Variants in PDXDC1 observed in about 807,000 individuals in gnomAD.
PDXDC1 encodes the protein pyridoxal-dependent decarboxylase domain-containing protein 1.
Under a neutral mutation model 100.1 loss-of-function variants are expected in PDXDC1, and 42 were observed. The observed-to-expected ratio is 0.42, with a 90% confidence interval of 0.33 to 0.54. The LOEUF (loss-of-function observed/expected upper bound fraction) is 0.54, where lower values mean the gene tolerates loss of function less well. PDXDC1 is among the 20% of genes least tolerant of loss of function. PDXDC1 has a pLI of 0.10. For missense variants in PDXDC1, 636 were observed against 979.2 expected (o/e 0.65, Z 4.68); for synonymous variants, 260 against 371.7 (o/e 0.70, Z 3.46).
At chr16:15,003,216 CTT>C (rs1217823601) in intron 4 of PDXDC1, among the ~76,000 whole-genome samples, 14 of 134,308 alleles carry the variant, frequency 1.0e-4, no homozygotes, top group Admixed American at 3.2e-4. Flanking sequence ...AGATTTAATT[CTT>C]TTTTTTTTTT....
At chr16:15,111,630 C>T (rs1033205841) in intron 16 of PDXDC1, among the ~76,000 whole-genome samples, 4 of 144,990 alleles carry the variant, frequency 2.8e-5, no homozygotes, top group African/African-American at 5.0e-5. Context: ...TGGTGGCGCA[C>T]GCCTGTAGTC....
At chr16:15,131,655 C>T (rs2048067225) in intron 16 of PDXDC1, 1 of 1,581,492 alleles carries the variant, frequency 6.3e-7, no homozygotes, top group Non-Finnish European at 8.6e-7. Context: ...CGGCTCCCAG[C>T]TCTGAGCGCT....
intron 16 of PDXDC1, among the ~76,000 whole-genome samples, chr16:15,092,043 G>A (rs2046151975): frequency 6.6e-6 from 1 of 152,150 alleles, no homozygotes; most frequent in Non-Finnish European, 1.5e-5. Context: ...GCCAGGTGTG[G>A]TGGTGTGTGC....
At chr16:15,004,364 T>C (rs769185690) in intron 5 of PDXDC1, 31 bp downstream of exon 5, 1 of 1,606,944 alleles carries the variant, frequency 6.2e-7, no homozygotes, top group East Asian at 2.2e-5. Flanking sequence ...CAGTGAAGAC[T>C]TTTATGAGTC....
intron 17 of PDXDC1, 41 bp from the exon 18 acceptor site, chr16:15,032,820 G>A: frequency 9.2e-7 from 1 of 1,086,722 alleles, no homozygotes; most frequent in Non-Finnish European, 1.4e-6. Context: ...AGAGACATTT[G>A]ATCTTTTAAG....
intron 16 of PDXDC1, among the ~76,000 whole-genome samples, chr16:15,067,471 C>T: frequency 9.5e-6 from 1 of 105,666 alleles, no homozygotes; most frequent in Non-Finnish European, 2.3e-5. Flanking sequence ...CTTAGAACTG[C>T]CTGGCACAGA....
chr16:15,110,912 CG>C, intron 16 of PDXDC1: 1 of 1,083,946 alleles, frequency 9.2e-7, no homozygotes, highest in Non-Finnish European at 1.3e-6. Context: ...GGGTGGATCA[CG>C]GGGTCAGGAG....
intron 8 of PDXDC1, among the ~76,000 whole-genome samples, chr16:15,012,712 TGTGG>T (rs2041423023): frequency 6.6e-6 from 1 of 152,234 alleles, no homozygotes; most frequent in Non-Finnish European, 1.5e-5. Flanking sequence ...ATTAGCCAGG[TGTGG>T]TGGTGTGTAC....
intron 16 of PDXDC1, among the ~76,000 whole-genome samples, chr16:15,087,710 T>C (rs924597152): frequency 6.6e-6 from 1 of 152,216 alleles, no homozygotes; most frequent in Non-Finnish European, 1.5e-5. Flanking sequence ...GCCAAAGGCA[T>C]GTAGAAAACA....
chr16:15,121,945 A>G, intron 16 of PDXDC1: 1 of 259,780 alleles, frequency 3.8e-6, no homozygotes, highest in Non-Finnish European at 7.8e-6. Context: ...GATGGAGACT[A>G]TCCTGGCGAA....
At chr16:15,040,375 T>TG, downstream of PDXDC1, 1 of 323,526 alleles carries the variant, frequency 3.1e-6, no homozygotes, top group East Asian at 5.7e-5. Flanking sequence ...TCCCTACTGG[T>TG]GTACGGCCAG....
intron 16 of PDXDC1, chr16:15,130,317 C>A (rs1324797116): frequency 7.8e-6 from 12 of 1,545,012 alleles, no homozygotes; most frequent in Non-Finnish European, 1.0e-5. Context: ...GGGCAGCAGC[C>A]CCTCTGTCCG....
At chr16:14,985,173 G>T (rs1969045703) in intron 1 of PDXDC1, among the ~76,000 whole-genome samples, 2 of 152,152 alleles carry the variant, frequency 1.3e-5, no homozygotes, top group Non-Finnish European at 2.9e-5. Flanking sequence ...CACTGCCTAA[G>T]ATGAAAAAAT....
At chr16:14,986,123 A>G (rs1318823550) in intron 1 of PDXDC1, among the ~76,000 whole-genome samples, 5 of 152,284 alleles carry the variant, frequency 3.3e-5, no homozygotes, top group South Asian at 2.1e-4. Context: ...TTTGTAAAAA[A>G]TGCTCACGAA....
At chr16:15,053,949 C>G (rs138374998) in intron 16 of PDXDC1, among the ~76,000 whole-genome samples, 1 of 152,188 alleles carries the variant, frequency 6.6e-6, no homozygotes, top group African/African-American at 2.4e-5. Flanking sequence ...ACAAAAAACC[C>G]AACCTTTAAT....
At chr16:15,127,725 G>A (rs1289282737) in intron 16 of PDXDC1, 23 of 1,516,804 alleles carry the variant, frequency 1.5e-5, no homozygotes, top group Middle Eastern at 4.6e-4. Context: ...ACCACACGGC[G>A]TTGGCGCCCA....
At chr16:14,990,273 G>A (rs1215112752) in intron 1 of PDXDC1, 3 of 374,736 alleles carry the variant, frequency 8.0e-6, no homozygotes, top group South Asian at 1.1e-4. Context: ...CGCCCACCCC[G>A]GCCCCCGCCG....
intron 16 of PDXDC1, among the ~76,000 whole-genome samples, chr16:15,064,130 G>C (rs891175186): frequency 1.3e-5 from 2 of 152,038 alleles, no homozygotes; most frequent in Non-Finnish European, 1.5e-5. Context: ...GGCTGGCCCA[G>C]TGGTTTTCTA....
intron 16 of PDXDC1, among the ~76,000 whole-genome samples, chr16:15,056,304 T>G (rs565204390): frequency 3.3e-5 from 5 of 152,280 alleles, no homozygotes; most frequent in African/African-American, 9.6e-5. Context: ...AAAGGAGAGC[T>G]GCCAGGGAGC....
Sources: gnomAD v4.1 joint callset for allele counts (sites outside exome capture counted in the v4.1 genomes callset) on GRCh38, gnomAD v4.1.1 for gene constraint, MANE v1.5 for transcripts, NCBI Gene and HGNC (gene_info 2026-07-23, HGNC 2026-07-21) for gene names.